CNTN6: variants seen among roughly 807,000 people sequenced by gnomAD.
CNTN6 encodes the protein contactin 6.
CNTN6 carries 137 observed loss-of-function variants against 122.8 expected under a neutral mutation model. The ratio of observed to expected loss-of-function variants is 1.12; its 90% CI spans 0.97 to 1.29. CNTN6 has a LOEUF of 1.29. Among genes scored for constraint, CNTN6 ranks in the 50% most tolerant of loss-of-function variants. The pLI is 0.00. For synonymous variants in CNTN6, 570 were observed against 426.0 expected (o/e 1.34, Z -4.16); for missense variants, 1,634 against 1,223.4 (o/e 1.34, Z -5.01).
At chr3:1,182,346 T>C (rs1285984076) in intron 2 of CNTN6, among the ~76,000 whole-genome samples, 2 of 152,172 alleles carry the variant, frequency 1.3e-5, no homozygotes, top group Non-Finnish European at 2.9e-5. Context: ...TAGCTGACTT[T>C]CCACAGAGCC....
intron 2 of CNTN6, among the ~76,000 whole-genome samples, chr3:1,160,649 T>A (rs1315126575): frequency 1.4e-5 from 2 of 146,582 alleles, no homozygotes; most frequent in Admixed American, 6.9e-5. Flanking sequence ...ACCAATGTAG[T>A]CATAAATGTA....
chr3:1,353,542 T>C (rs1706025994), intron 12 of CNTN6, among the ~76,000 whole-genome samples: 1 of 151,656 alleles, frequency 6.6e-6, no homozygotes, highest in African/African-American at 2.4e-5. Context: ...TTCCTTAAGA[T>C]TGTATTGTCA....
intron 5 of CNTN6, among the ~76,000 whole-genome samples, chr3:1,288,574 ATACTT>A (rs1478911870): frequency 1.3e-5 from 2 of 152,316 alleles, no homozygotes; most frequent in East Asian, 3.9e-4. Flanking sequence ...TCTGAACACT[ATACTT>A]CAAGTTCTTT....
chr3:1,272,339 A>G (rs1158676814), intron 4 of CNTN6, among the ~76,000 whole-genome samples: 5 of 152,156 alleles, frequency 3.3e-5, no homozygotes, highest in Non-Finnish European at 7.4e-5. Context: ...GTGAACCTCA[A>G]TTTCCTCCTT....
At chr3:1,205,265 C>A (rs866672603) in intron 2 of CNTN6, among the ~76,000 whole-genome samples, 1 of 152,090 alleles carries the variant, frequency 6.6e-6, no homozygotes, top group Admixed American at 6.6e-5. Context: ...CACTGAGACC[C>A]ATTTTGGAAT....
intron 2 of CNTN6, among the ~76,000 whole-genome samples, chr3:1,178,905 ACT>A (rs1198282517): frequency 1.9e-4 from 29 of 152,026 alleles, no homozygotes; most frequent in African/African-American, 6.7e-4. Flanking sequence ...TCACACTGCA[ACT>A]CTCTGTTAGT....
At chr3:1,394,755 A>G (rs1694774631) in intron 20 of CNTN6, among the ~76,000 whole-genome samples, 1 of 152,194 alleles carries the variant, frequency 6.6e-6, no homozygotes, top group Non-Finnish European at 1.5e-5. Flanking sequence ...AGTTGACCCA[A>G]TTGATCCTAC....
chr3:1,341,653 G>A (rs970902251), intron 11 of CNTN6, among the ~76,000 whole-genome samples: 22 of 152,174 alleles, frequency 1.4e-4, no homozygotes, highest in South Asian at 4.2e-4. Context: ...TTTGTGTTGC[G>A]TCAGCCACTA....
intron 19 of CNTN6, 52 bp from the exon 20 acceptor site, chr3:1,385,559 T>C: frequency 5.0e-6 from 7 of 1,412,808 alleles, no homozygotes; most frequent in Non-Finnish European, 6.8e-6. Flanking sequence ...TAAAAAATGA[T>C]TGATAGTTAT....
rs555887650 is a variant in CNTN6 at position 1,127,909 on chromosome 3, G to A, written c.-82-20018G>A. ...CACAGATTGTTCAAGGGGAACAGAA[G>A]CCTATGAGATATAGAAACCAAAGGA... On this transcript the variant is annotated intron_variant, in intron 1 of 22. Coordinates refer to ENST00000446702, the MANE Select transcript of CNTN6 (RefSeq NM_001289080.2). Among the ~76,000 whole-genome samples, 8 of 151,980 alleles carry A rather than the reference G, an allele frequency of 5.3e-5. No homozygotes were observed. In the East Asian group the frequency reaches 1.5e-3, roughly 29 times the overall value.
chr3:1,185,853 G>A (rs184781644), intron 2 of CNTN6, among the ~76,000 whole-genome samples: 2 of 152,186 alleles, frequency 1.3e-5, no homozygotes, highest in Admixed American at 1.3e-4. Context: ...ACAGTGCGTT[G>A]ATCACATTAA....
intron 16 of CNTN6, among the ~76,000 whole-genome samples, chr3:1,376,682 C>G (rs1709915798): frequency 6.6e-6 from 1 of 152,034 alleles, no homozygotes; most frequent in African/African-American, 2.4e-5. Context: ...TAATTAGGCA[C>G]TAAATCAGCA....
chr3:1,212,609 G>C (rs968510333), intron 2 of CNTN6, among the ~76,000 whole-genome samples: 4 of 151,716 alleles, frequency 2.6e-5, no homozygotes, highest in Admixed American at 2.6e-4. Context: ...CTCACTGATT[G>C]TAGCAGTGGC....
At chr3:1,299,411 A>G (rs1056458834) in intron 7 of CNTN6, among the ~76,000 whole-genome samples, 10 of 152,218 alleles carry the variant, frequency 6.6e-5, no homozygotes, top group Admixed American at 6.5e-4. Context: ...CATATTTGGC[A>G]TCAGGAAATA....
At chr3:1,117,512 T>C (rs1463007121) in intron 1 of CNTN6, among the ~76,000 whole-genome samples, 1 of 152,174 alleles carries the variant, frequency 6.6e-6, no homozygotes. Flanking sequence ...CTAAGTTCTT[T>C]AACATCTCTA....
intron 11 of CNTN6, among the ~76,000 whole-genome samples, chr3:1,346,369 A>G (rs1423133416): frequency 1.3e-5 from 2 of 152,040 alleles, no homozygotes; most frequent in African/African-American, 4.8e-5. Context: ...GGCCTTGGGG[A>G]CAGATCCCTC....
chr3:1,159,823 TC>T (rs146631765), intron 2 of CNTN6, among the ~76,000 whole-genome samples: 26,164 of 151,174 alleles, frequency 0.17, 2,711 homozygotes, highest in East Asian at 0.31. Context: ...CGTTTGTTTT[TC>T]TTTTTCCCCC....
rs3836248 is a variant in CNTN6, at chr3:1,172,620, C to CTGTGTG, written c.55+24591_55+24596dup. Among the ~76,000 whole-genome samples the CTGTGTG allele has an allele frequency of 7.6e-3, 1,141 of 150,250 alleles. 8 individuals are homozygous for CTGTGTG. Among genetic ancestry groups the CTGTGTG allele is most frequent in the Middle Eastern group, 0.017 (5 of 290 alleles). ...AGTGAAGACAGTCTGCAATAACTCT[C>CTGTGTG]TGTGTGTGTGTGTGTGTGTGTGTGT... On this transcript the variant is annotated intron_variant, in intron 2 of 22. Transcript: ENST00000446702.
chr3:1,273,249 G>A (rs1025699296), intron 4 of CNTN6, among the ~76,000 whole-genome samples: 12 of 152,150 alleles, frequency 7.9e-5, no homozygotes, highest in Non-Finnish European at 1.8e-4. Context: ...CACCTTTGTG[G>A]TCTATGAGAA....
Sources: allele counts gnomAD v4.1 joint callset (sites outside exome capture counted in the v4.1 genomes callset), GRCh38; gene constraint gnomAD v4.1.1; transcripts MANE v1.5; gene names NCBI Gene and HGNC (gene_info 2026-07-23, HGNC 2026-07-21).